The following PANK2 variants were observed in gnomAD, a reference collection of about 807,000 sequenced individuals.
The protein encoded by PANK2 is pantothenate kinase 2, mitochondrial.
PANK2 carries 36 observed loss-of-function variants against 43.1 expected under a neutral mutation model. That is an observed-to-expected ratio of 0.84 (90% CI 0.64 to 1.10). PANK2 has a LOEUF of 1.10. Among genes scored for constraint, PANK2 ranks in the 50% least tolerant of loss-of-function variants. PANK2 has a pLI of 0.00. For missense variants in PANK2, 576 were observed against 593.3 expected (o/e 0.97, Z 0.30); for synonymous variants, 281 against 238.2 (o/e 1.18, Z -1.66).
chr20:3,907,894 G>A, intron 1 of PANK2, 32 bp from the exon 2 acceptor site: 1 of 1,584,708 alleles, frequency 6.3e-7, no homozygotes, highest in Non-Finnish European at 8.7e-7. Context: ...TCAGAAAAAA[G>A]CTGTTCTGAC....
At chr20:3,894,610 A>C (rs1208030849) in intron 1 of PANK2, among the ~76,000 whole-genome samples, 2 of 142,090 alleles carry the variant, frequency 1.4e-5, no homozygotes, top group Non-Finnish European at 3.1e-5. Context: ...ACGAAGTCTT[A>C]CTCTGTCGCC....
intron 6 of PANK2, chr20:3,921,621 C>A (rs1278162518): frequency 6.6e-6 from 1 of 152,192 alleles, no homozygotes; most frequent in Non-Finnish European, 1.5e-5. Flanking sequence ...GTGCCTTGTC[C>A]TGTAGCTGCT....
chr20:3,918,294 G>T (rs1243338959), intron 5 of PANK2, among the ~76,000 whole-genome samples: 1 of 151,944 alleles, frequency 6.6e-6, no homozygotes, highest in South Asian at 2.1e-4. Flanking sequence ...TGAATTTTTC[G>T]CTGCCTGTTA....
chr20:3,919,706 C>T (rs1163930948), intron 6 of PANK2, among the ~76,000 whole-genome samples: 1 of 151,792 alleles, frequency 6.6e-6, no homozygotes, highest in Non-Finnish European at 1.5e-5. Context: ...TTCTTCCCTT[C>T]TTGGTTGTGG....
At position 3,908,007 on chromosome 20, in the gene PANK2, A is replaced by C. The variant is rs1472423783; in HGVS notation, c.380A>C (p.Glu127Ala). The C allele has an allele frequency of 6.2e-7, 1 of 1,614,160 alleles. No homozygotes were observed. Among genetic ancestry groups the C allele is most frequent in the Non-Finnish European group, 8.5e-7 (1 of 1,180,008 alleles). Reference sequence around the variant, plus strand: ...GAACCCAAAGACATCACTGCTGAAGAAGAAGAGGAAGAAGTGGAAAGTCTT... The same window carrying C: ...GAACCCAAAGACATCACTGCTGAAGCAGAAGAGGAAGAAGTGGAAAGTCTT... The change falls in exon 2 of 7, where the codon GAA becomes GCA. Residue 127 changes from glutamate to alanine, a missense_variant. Physicochemically the swap from Glu to Ala is moderately radical, Grantham distance 107 (BLOSUM62 -1). Coordinates refer to ENST00000610179, the MANE Select transcript of PANK2 (RefSeq NM_001386393.1).
At chr20:3,905,930 G>A (rs1015315386) in intron 1 of PANK2, among the ~76,000 whole-genome samples, 1 of 151,132 alleles carries the variant, frequency 6.6e-6, no homozygotes, top group African/African-American at 2.4e-5. Context: ...TGGCCAGGCT[G>A]GTCTTGAACT....
At position 3,927,996 on chromosome 20, in the gene PANK2, C is replaced by T. The variant is rs2090750887; in HGVS notation, c.*4702C>T. 1 of 152,168 alleles carries T rather than the reference C, an allele frequency of 6.6e-6. No individual in the cohort carries two copies. The highest frequency in any genetic ancestry group is 1.5e-5 in the Non-Finnish European group (1 of 68,042). The allele number at this position is 152,168 out of a possible 1,614,324, so 9.4% of individuals were successfully genotyped here. On this transcript the variant is annotated 3_prime_UTR_variant, in exon 7 of 7. Transcript: ENST00000610179. ...GCAAAGTAAGGTTTACTACACAAGC[C>T]CCTCTTTTTCTTCTGATATCCCCAC... is the stretch of plus-strand genomic sequence containing the variant.
In PANK2 at chr20:3,928,213, C is replaced by G. The variant is rs1251525149; in HGVS notation, c.*4919C>G. On this transcript the variant is annotated 3_prime_UTR_variant, in exon 7 of 7. Coordinates refer to ENST00000610179, the MANE Select transcript of PANK2 (RefSeq NM_001386393.1). The stretch of plus-strand genomic sequence containing the variant: ...GACACACCCAGGGCCAGAGATTCTA[C>G]AAATGCCAGAAGAGTGGATGTGATA... 1 of 152,194 alleles carries G rather than the reference C, an allele frequency of 6.6e-6. No homozygotes were observed. The highest frequency in any genetic ancestry group is 1.5e-5 in the Non-Finnish European group (1 of 68,040). 9.4% of individuals were successfully genotyped at this position (152,194 alleles called of 1,614,324 possible).
chr20:3,917,189 TTCA>T (rs1342980474), intron 5 of PANK2, 139 bp downstream of exon 5: 29 of 1,018,888 alleles, frequency 2.8e-5, no homozygotes, highest in East Asian at 2.8e-4. Flanking sequence ...GTTAAAACTC[TTCA>T]AATACAGATT....
chr20:3,894,220 C>T (rs929581676), intron 1 of PANK2, among the ~76,000 whole-genome samples: 2 of 150,620 alleles, frequency 1.3e-5, no homozygotes, highest in African/African-American at 2.4e-5. Flanking sequence ...TGTGAGCCAC[C>T]GTGCCTGACC....
In PANK2 at chr20:3,928,562, C is replaced by G. The variant is rs746831133; in HGVS notation, c.*5268C>G. On this transcript the variant is annotated 3_prime_UTR_variant, in exon 7 of 7. Transcript: ENST00000610179. ...CACGAGGTCAGGAGATCGAGACCAT[C>G]CTGGCTAACACGGTGAAACTCCGTC... 1 of 151,958 alleles carries G rather than the reference C, an allele frequency of 6.6e-6. No individual in the cohort carries two copies. Among genetic ancestry groups the G allele is most frequent in the African/African-American group, 2.4e-5 (1 of 41,378 alleles). The allele number at this position is 151,958 out of a possible 1,614,324, so 9.4% of individuals were successfully genotyped here. A position where few individuals can be genotyped will look rare whatever the true frequency, so the allele number is the denominator to read the frequency against.
rs139737600 is a variant in PANK2, at chr20:3,913,354, T to A, written c.1082+720T>A. 6.5e-3 allele frequency among the ~76,000 whole-genome samples: 994 copies of A among 152,274 alleles called. 11 individuals are homozygous for A. The highest frequency in any genetic ancestry group is 0.022 in the African/African-American group (923 of 41,540). The stretch of plus-strand genomic sequence containing the variant: ...CTTTTTATTGCCAAATAATATTTCT[T>A]TTTTCTGAGACGGCGTTTTACTCTT... On this transcript the variant is annotated intron_variant, in intron 4 of 6. Coordinates refer to ENST00000610179, the MANE Select transcript of PANK2 (RefSeq NM_001386393.1).
At position 3,892,397 on chromosome 20, in the gene PANK2, G is replaced by GTA. The variant is rs2090137266; in HGVS notation, c.298+2672_298+2673dup. Among the ~76,000 whole-genome samples the GTA allele has an allele frequency of 5.9e-5, 9 of 151,736 alleles. No homozygotes were observed. The South Asian group carries it at 1.9e-3, about 32-fold the overall frequency. ...TTGTTGACTGCCGAACCCTCCTAGA[G>GTA]TATACTTCAGTCTTATCTCTGAGAG... On this transcript the variant is annotated intron_variant, in intron 1 of 6. Transcript: ENST00000610179.
intron 4 of PANK2, among the ~76,000 whole-genome samples, chr20:3,913,773 C>CAT (rs202153863): frequency 0.039 from 3,995 of 102,856 alleles, 131 homozygotes; most frequent in East Asian, 0.15. Context: ...CACACACACA[C>CAT]ACATATATAT....
At chr20:3,922,923 ACAGT>A (rs1332681206) in intron 6 of PANK2, among the ~76,000 whole-genome samples, 3 of 152,236 alleles carry the variant, frequency 2.0e-5, no homozygotes, top group South Asian at 2.1e-4. Context: ...TTCCCCAGAA[ACAGT>A]CAGGTTCTGT....
At position 3,903,821 on chromosome 20, in the gene PANK2, G is replaced by C. The variant is rs6037687; in HGVS notation, c.299-4105G>C. Among the ~76,000 whole-genome samples, 845 of 151,962 alleles carry C rather than the reference G, an allele frequency of 5.6e-3. 8 individuals carry two copies. Among genetic ancestry groups the C allele is most frequent in the African/African-American group, 0.019 (782 of 41,504 alleles). ...TTTTTTTATTTTTAGTAGAGACGTGGTTTCACCATATTGGTCAGGCTGATC... is the reference window on the plus strand; with the variant it reads ...TTTTTTTATTTTTAGTAGAGACGTGCTTTCACCATATTGGTCAGGCTGATC... On this transcript the variant is annotated intron_variant, in intron 1 of 6. Coordinates refer to ENST00000610179, the MANE Select transcript of PANK2 (RefSeq NM_001386393.1).
In PANK2 at chr20:3,928,239, G is replaced by A. The variant is rs537728487; in HGVS notation, c.*4945G>A. 6.6e-6 allele frequency: 1 copy of A among 152,350 alleles called. No individual in the cohort carries two copies. Among genetic ancestry groups the A allele is most frequent in the East Asian group, 1.9e-4 (1 of 5,188 alleles). 9.4% of individuals were successfully genotyped at this position (152,350 alleles called of 1,614,324 possible). On this transcript the variant is annotated 3_prime_UTR_variant, in exon 7 of 7. Coordinates refer to ENST00000610179, the MANE Select transcript of PANK2 (RefSeq NM_001386393.1). ...AAATGCCAGAAGAGTGGATGTGATA[G>A]AGAATTTTTTCTCAAGTTTTGGGTT...
At chr20:3,888,832 C>T (rs1051865526), upstream of PANK2, 3 of 466,280 alleles carry the variant, frequency 6.4e-6, no homozygotes, top group Middle Eastern at 1.1e-3. Context: ...GGCGGCTTAG[C>T]CCAAACATGC....
In PANK2 at chr20:3,928,181, A is replaced by G. The variant is rs1262228482; in HGVS notation, c.*4887A>G. Reference sequence around the variant, plus strand: ...TGCTTAAGAAATCTGTAACAGCTACAGGAAAAGACACACCCAGGGCCAGAG... The same window carrying G: ...TGCTTAAGAAATCTGTAACAGCTACGGGAAAAGACACACCCAGGGCCAGAG... On this transcript the variant is annotated 3_prime_UTR_variant, in exon 7 of 7. Transcript: ENST00000610179. 1.3e-5 allele frequency: 2 copies of G among 152,232 alleles called. No homozygotes were observed. The highest frequency in any genetic ancestry group is 2.9e-5 in the Non-Finnish European group (2 of 68,046). 9.4% of individuals were successfully genotyped at this position (152,232 alleles called of 1,614,324 possible). A position where few individuals can be genotyped will look rare whatever the true frequency, so the allele number is the denominator to read the frequency against.
Sources: gnomAD v4.1 joint callset for allele counts (sites outside exome capture counted in the v4.1 genomes callset) on GRCh38, gnomAD v4.1.1 for gene constraint, MANE v1.5 for transcripts, NCBI Gene and HGNC (gene_info 2026-07-23, HGNC 2026-07-21) for gene names.